HPSE2: variants seen among roughly 807,000 people sequenced by gnomAD.
HPSE2 encodes inactive heparanase-2.
In HPSE2, 38 loss-of-function variants were observed where a neutral mutation model predicts 60.5. That is an observed-to-expected ratio of 0.63 (90% CI 0.48 to 0.82). The LOEUF (loss-of-function observed/expected upper bound fraction) is 0.82. Among genes scored for constraint, HPSE2 ranks in the 40% least tolerant of loss-of-function variants. The probability of loss-of-function intolerance (pLI) is 0.00; values close to 1 mark genes in which losing one functional copy is unlikely to be tolerated. For missense variants in HPSE2, 713 were observed against 740.4 expected (o/e 0.96, Z 0.43); for synonymous variants, 295 against 293.2 (o/e 1.01, Z -0.06).
intron 11 of HPSE2, among the ~76,000 whole-genome samples, chr10:98,481,286 A>G (rs1365492983): frequency 6.6e-6 from 1 of 152,202 alleles, no homozygotes; most frequent in Non-Finnish European, 1.5e-5. Context: ...GCTGCACAGG[A>G]CCTTACCACA....
intron 11 of HPSE2, among the ~76,000 whole-genome samples, chr10:98,475,140 C>T (rs566409072): frequency 6.0e-4 from 78 of 130,994 alleles, no homozygotes; most frequent in African/African-American, 2.2e-3. Flanking sequence ...TTTTTTGAGA[C>T]GGAGTCTCGC....
intron 3 of HPSE2, among the ~76,000 whole-genome samples, chr10:99,094,533 T>TATATATATATAG: frequency 4.5e-5 from 1 of 22,432 alleles, no homozygotes; most frequent in Non-Finnish European, 1.2e-4. Context: ...TATATATATA[T>TATATATATATAG]ATATATATTT....
At chr10:98,551,683 C>A (rs1471077842) in intron 9 of HPSE2, among the ~76,000 whole-genome samples, 5 of 152,196 alleles carry the variant, frequency 3.3e-5, no homozygotes, top group Non-Finnish European at 5.9e-5. Context: ...CCTACCCTTT[C>A]TTGGTTGCCT....
At chr10:98,942,674 G>A (rs190721662) in intron 3 of HPSE2, among the ~76,000 whole-genome samples, 13 of 152,224 alleles carry the variant, frequency 8.5e-5, no homozygotes, top group Admixed American at 1.3e-4. Flanking sequence ...TCAGTGTGGC[G>A]ATTCCTCAGG....
intron 3 of HPSE2, among the ~76,000 whole-genome samples, chr10:99,098,638 T>C (rs1843810504): frequency 6.6e-6 from 1 of 152,208 alleles, no homozygotes; most frequent in South Asian, 2.1e-4. Flanking sequence ...TAGAAAACGT[T>C]GGTTCTTAAA....
At chr10:98,467,980 C>A (rs1046542285) in intron 11 of HPSE2, among the ~76,000 whole-genome samples, 3 of 152,246 alleles carry the variant, frequency 2.0e-5, no homozygotes, top group African/African-American at 4.8e-5. Flanking sequence ...GCGCTGGGCT[C>A]TCCCGGGCTC....
intron 6 of HPSE2, among the ~76,000 whole-genome samples, chr10:98,643,705 T>A (rs1395575540): frequency 6.6e-6 from 1 of 152,064 alleles, no homozygotes; most frequent in Admixed American, 6.6e-5. Context: ...CACCTCTGAT[T>A]TTTGAAAAAA....
chr10:98,459,346 T>C lies in HPSE2; in HGVS notation c.*228A>G. 3 of 600,794 alleles carry C rather than the reference T, an allele frequency of 5.0e-6. No homozygotes were observed. The South Asian group carries it at 5.5e-5, about 11-fold the overall frequency. 37.2% of individuals were successfully genotyped at this position (600,794 alleles called of 1,614,324 possible). On this transcript the variant is annotated 3_prime_UTR_variant, in exon 12 of 12. Transcript: ENST00000370552. ...CTCTATACACATGCCTTTATCCTTA[T>C]ATAGGTACAGGTGATGTCTACATTT...
intron 3 of HPSE2, among the ~76,000 whole-genome samples, chr10:98,887,920 T>TAAAATA (rs5787313): frequency 6.8e-6 from 1 of 147,540 alleles, no homozygotes; most frequent in Non-Finnish European, 1.5e-5. Context: ...AAACTTAATG[T>TAAAATA]ATAATAATAA....
intron 9 of HPSE2, 98 bp from the exon 10 acceptor site, chr10:98,490,294 G>C: frequency 1.5e-6 from 2 of 1,302,128 alleles, no homozygotes; most frequent in Non-Finnish European, 2.2e-6. Flanking sequence ...CACACACACG[G>C]GCCAGAAATC....
the HPSE2 span, among the ~76,000 whole-genome samples, chr10:99,270,675 T>C: frequency 2.6e-5 from 4 of 151,858 alleles, no homozygotes; most frequent in African/African-American, 4.8e-5. Context: ...GGAAAGGATA[T>C]AACAAAAAAA....
intron 3 of HPSE2, among the ~76,000 whole-genome samples, chr10:99,053,719 CTTTTTTTTTTTT>C (rs11301458): frequency 5.2e-5 from 3 of 57,808 alleles, no homozygotes; most frequent in Admixed American, 2.8e-4. Context: ...GAGTTACAGT[CTTTTTTTTTTTT>C]TTTTTTTTTT....
intron 3 of HPSE2, among the ~76,000 whole-genome samples, chr10:98,989,165 T>G (rs1462292775): frequency 2.6e-5 from 4 of 152,190 alleles, no homozygotes; most frequent in African/African-American, 7.2e-5. Context: ...CAAAGGATTA[T>G]AAATCATGCT....
At chr10:98,749,945 T>TAC (rs1554984638) in intron 3 of HPSE2, among the ~76,000 whole-genome samples, 15 of 66,236 alleles carry the variant, frequency 2.3e-4, no homozygotes, top group East Asian at 7.8e-4. Context: ...TATATATATA[T>TAC]ATACACACAC....
intron 9 of HPSE2, among the ~76,000 whole-genome samples, chr10:98,581,598 G>T (rs1027998773): frequency 1.3e-5 from 2 of 152,168 alleles, no homozygotes; most frequent in Non-Finnish European, 2.9e-5. Flanking sequence ...ATCCATGCAG[G>T]CTTATGCAAC....
intron 3 of HPSE2, among the ~76,000 whole-genome samples, chr10:99,018,892 T>C (rs1205424084): frequency 1.3e-5 from 2 of 152,200 alleles, no homozygotes; most frequent in African/African-American, 4.8e-5. Flanking sequence ...TAAAACAGTT[T>C]TCATGTCAGC....
the HPSE2 span, among the ~76,000 whole-genome samples, chr10:99,315,215 TC>T: frequency 6.6e-6 from 1 of 152,338 alleles, no homozygotes; most frequent in East Asian, 1.9e-4. Flanking sequence ...CAAAAATATT[TC>T]TACATACCAC....
chr10:99,187,654 C>T (rs1276386312), intron 2 of HPSE2, among the ~76,000 whole-genome samples: 1 of 152,170 alleles, frequency 6.6e-6, no homozygotes, highest in Non-Finnish European at 1.5e-5. Flanking sequence ...TATCATTAGT[C>T]ATTAGGGAAA....
intron 3 of HPSE2, among the ~76,000 whole-genome samples, chr10:98,879,735 A>C (rs1026663239): frequency 9.2e-5 from 14 of 151,994 alleles, no homozygotes; most frequent in Non-Finnish European, 1.3e-4. Flanking sequence ...GCTTGTCCCT[A>C]AATTAGAAAT....
Sources: gnomAD v4.1 joint callset for allele counts (sites outside exome capture counted in the v4.1 genomes callset) on GRCh38, gnomAD v4.1.1 for gene constraint, MANE v1.5 for transcripts, NCBI Gene and HGNC (gene_info 2026-07-23, HGNC 2026-07-21) for gene names.